MAPK12: variants seen among roughly 807,000 people sequenced by gnomAD.
MAPK12 encodes mitogen-activated protein kinase 12, also known as MAP kinase 12.
A neutral mutation model predicts 49.1 loss-of-function variants in MAPK12; 49 were observed. The ratio of observed to expected loss-of-function variants is 1.00; its 90% confidence interval spans 0.79 to 1.27. MAPK12 has a LOEUF of 1.27. Among genes scored for constraint, MAPK12 ranks in the 50% most tolerant of loss-of-function variants. The probability of loss-of-function intolerance (pLI) is 0.00; values close to 1 mark genes in which losing one functional copy is unlikely to be tolerated. For missense variants in MAPK12, 554 were observed against 502.4 expected, an observed-to-expected ratio of 1.10 and a Z score of -0.98; for synonymous variants, 251 against 209.7, an observed-to-expected ratio of 1.20 and a Z score of -1.70.
At chr22:50,253,531 C>CTTTT in intron 11 of MAPK12, 51 bp from the exon 12 acceptor site, 1 of 923,420 alleles carries the variant, frequency 1.1e-6, no homozygotes, top group Admixed American at 2.0e-5. Flanking sequence ...CAGCCTTTGC[C>CTTTT]TTCCATCCTG....
chr22:50,258,505 A>C (rs1277992495), intron 2 of MAPK12, among the ~76,000 whole-genome samples: 1 of 152,272 alleles, frequency 6.6e-6, no homozygotes, highest in African/African-American at 2.4e-5. Flanking sequence ...CAGCCCTGGC[A>C]CACATACCCA....
Position 50,255,365 on chromosome 22 carries a change from T to C in MAPK12, c.856A>G (p.Asn286Asp), listed in dbSNP as rs750939832. 2 of 1,612,936 alleles carry C rather than the reference T, an allele frequency of 1.2e-6. No homozygotes were observed. Among genetic ancestry groups the C allele is most frequent in the African/African-American group, 2.7e-5 (2 of 74,928 alleles). Residue 286 changes from asparagine (N) to aspartate (D), a missense_variant, in exon 11 of 12, where the codon AAC (asparagine) becomes GAC (aspartate). Transcript: ENST00000215659. ...AGCACCAGCATCTTCTCCAGGAGGTTCACAGCTGCGGGGGAAGGTGCATCA... is the reference window on the plus strand; with the variant it reads ...AGCACCAGCATCTTCTCCAGGAGGTCCACAGCTGCGGGGGAAGGTGCATCA... ...ILTNASPLAV[N>D]LLEKMLVLDA...
At position 50,256,941 on chromosome 22, in the gene MAPK12, G is replaced by C; in HGVS notation, c.450C>G (p.Ile150Met). 2 of 1,606,402 alleles carry C rather than the reference G, an allele frequency of 1.2e-6. No individual in the cohort carries two copies. The highest frequency in any genetic ancestry group is 1.7e-6 in the Non-Finnish European group (2 of 1,178,326). ...CTTCTCCACCGGGACTCACTCTGTGGATGATGCCGGCAGCGTGGATATACT... is the reference window on the plus strand; with the variant it reads ...CTTCTCCACCGGGACTCACTCTGTGCATGATGCCGGCAGCGTGGATATACT... ...GLRYIHAAGI[I>M]HRDLKPGNLA... Residue 150 changes from isoleucine to methionine, a missense_variant, in exon 5 of 12, where the codon ATC becomes ATG. Ile to Met is a conservative substitution (Grantham distance 10). Transcript: ENST00000215659.
At position 50,253,000 on chromosome 22, in the gene MAPK12, C is replaced by T. The variant is rs904259436; in HGVS notation, c.*401G>A. ...GGTGCAGGAAGGTCCACTGACGTCG[C>T]CCAGGAGAGGGGATGTCCCTGAGTT... On this transcript the variant is annotated 3_prime_UTR_variant, in exon 12 of 12. Transcript: ENST00000215659. 3.4e-6 allele frequency: 1 copy of T among 292,956 alleles called. No individual in the cohort carries two copies. The highest frequency in any genetic ancestry group is 6.7e-6 in the Non-Finnish European group (1 of 150,108). 18.1% of individuals were successfully genotyped at this position (292,956 alleles called of 1,614,324 possible).
intron 2 of MAPK12, among the ~76,000 whole-genome samples, chr22:50,260,344 G>A (rs574533571): frequency 1.8e-4 from 28 of 152,116 alleles, no homozygotes; most frequent in African/African-American, 6.3e-4. Context: ...CTGTAGGTAG[G>A]GTCCGGGTGC....
rs529722375 is a variant in MAPK12 at position 50,256,816 on chromosome 22, G to A, written c.456+119C>T. ...GGCACCCAGGCAGGTTCCCACCAGG[G>A]GCTGTGCATAGGGCGTGGCTCAGCA... is the stretch of plus-strand genomic sequence containing the variant. On this transcript the variant is annotated intron_variant, in intron 5 of 11. Coordinates refer to ENST00000215659, the MANE Select transcript of MAPK12 (RefSeq NM_002969.6). The A allele has an allele frequency of 3.0e-3, 4,639 of 1,521,436 alleles. 15 individuals are homozygous for A. The highest frequency in any genetic ancestry group is 3.6e-3 in the Non-Finnish European group (4,027 of 1,130,544). The allele number at this position is 1,521,436 out of a possible 1,614,324, so 94.2% of individuals were successfully genotyped here. A position where few individuals can be genotyped will look rare whatever the true frequency, so the allele number is the denominator to read the frequency against.
chr22:50,255,946 C>T, intron 7 of MAPK12, 65 bp from the exon 8 acceptor site: 2 of 1,546,574 alleles, frequency 1.3e-6, no homozygotes, highest in Non-Finnish European at 8.9e-7. Context: ...AGGGAGGAGA[C>T]ACCAACACAG....
rs745822129 is a variant in MAPK12 at position 50,255,397 on chromosome 22, A to C, written c.851-27T>G. On this transcript the variant is annotated intron_variant, in intron 10 of 11. Coordinates refer to ENST00000215659, the MANE Select transcript of MAPK12 (RefSeq NM_002969.6). ...TGCGGGGGAAGGTGCATCAGGCCAGACCACGGGAGGCCCCACACTCCAGCA... is the reference window on the plus strand; with the variant it reads ...TGCGGGGGAAGGTGCATCAGGCCAGCCCACGGGAGGCCCCACACTCCAGCA... 3.1e-6 allele frequency: 5 copies of C among 1,612,720 alleles called. No homozygotes were observed. In the South Asian group the frequency reaches 5.5e-5, roughly 18 times the overall value.
chr22:50,254,609 G>C, intron 11 of MAPK12: 1 of 975,270 alleles, frequency 1.0e-6, no homozygotes, highest in Non-Finnish European at 1.2e-6. Context: ...TCAAGATCGT[G>C]CCACTGCCCT....
chr22:50,253,499 C>CGGGGGG lies in MAPK12; in HGVS notation c.1025-20_1025-19insCCCCCC. 3 of 660,038 alleles carry CGGGGGG rather than the reference C, an allele frequency of 4.5e-6. No homozygotes were observed. Among genetic ancestry groups the CGGGGGG allele is most frequent in the South Asian group, 3.9e-5 (1 of 25,560 alleles). The allele number at this position is 660,038 out of a possible 1,614,324, so 40.9% of individuals were successfully genotyped here. A position where few individuals can be genotyped will look rare whatever the true frequency, so the allele number is the denominator to read the frequency against. On this transcript the variant is annotated intron_variant, in intron 11 of 11. Coordinates refer to ENST00000215659, the MANE Select transcript of MAPK12 (RefSeq NM_002969.6). ...GTAACACCTGGCGGGGGTGGGGGGGCGGGCACAACAGAGAGGGGGGTCAGC... is the reference window on the plus strand; with the variant it reads ...GTAACACCTGGCGGGGGTGGGGGGGCGGGGGGGGGCACAACAGAGAGGGGGGTCAGC...
At chr22:50,256,480 C>T in intron 6 of MAPK12, 119 bp downstream of exon 6, 3 of 1,344,284 alleles carry the variant, frequency 2.2e-6, no homozygotes, top group Non-Finnish European at 3.1e-6. Context: ...ACCAGCTCCT[C>T]AGCCACTGCC....
At chr22:50,256,856 C>A in intron 5 of MAPK12, 79 bp downstream of exon 5, 1 of 1,566,032 alleles carries the variant, frequency 6.4e-7, no homozygotes. Context: ...GACCCCATCA[C>A]ATCCTCACAG....
At position 50,261,305 on chromosome 22, in the gene MAPK12, C is replaced by T. The variant is rs2065211060; in HGVS notation, c.126-9G>A. On this transcript the variant is annotated splice_polypyrimidine_tract_variant and intron_variant, in intron 1 of 11. Transcript: ENST00000215659. Reference sequence around the variant, plus strand: ...GGCCGTCCACGGCCGAGCTGCGGGGCGGACCGCTTAGCGGGAAGGCCGGGC... The same window carrying T: ...GGCCGTCCACGGCCGAGCTGCGGGGTGGACCGCTTAGCGGGAAGGCCGGGC... 7.0e-7 allele frequency: 1 copy of T among 1,424,916 alleles called. No individual in the cohort carries two copies. The highest frequency in any genetic ancestry group is 9.3e-7 in the Non-Finnish European group (1 of 1,077,556). The allele number at this position is 1,424,916 out of a possible 1,614,324, so 88.3% of individuals were successfully genotyped here.
In MAPK12 at chr22:50,256,665, T is replaced by G; in HGVS notation, c.457-19A>C. 6.2e-7 allele frequency: 1 copy of G among 1,603,014 alleles called. No individual in the cohort carries two copies. ...TCAGGTCCTGGGGGCAGAGGAAAGG[T>G]GGCCACTGTGCCCCACCCTCCCAAG... is the stretch of plus-strand genomic sequence containing the variant. On this transcript the variant is annotated intron_variant, in intron 5 of 11. Transcript: ENST00000215659.
At position 50,261,411 on chromosome 22, in the gene MAPK12, C is replaced by G. The variant is rs1202721843; in HGVS notation, c.99G>C (p.Val33=). The G allele has an allele frequency of 4.1e-6, 5 of 1,230,624 alleles. No individual in the cohort carries two copies. In the South Asian group the frequency reaches 9.4e-5, roughly 23 times the overall value. The allele number at this position is 1,230,624 out of a possible 1,614,324, so 76.2% of individuals were successfully genotyped here. A position where few individuals can be genotyped will look rare whatever the true frequency, so the allele number is the denominator to read the frequency against. The change falls in exon 1 of 12, where the codon GTG becomes GTC. Residue 33 remains valine, a synonymous_variant. Transcript: ENST00000215659. The part of the protein sequence containing the change: ...VRAVYRDLQP[V]GSGAYGAVCS... Reference sequence around the variant, plus strand: ...ACACCGCGCCGTAGGCGCCCGAGCCCACGGGCTGCAGGTCCCGGTACACGG... The same window carrying G: ...ACACCGCGCCGTAGGCGCCCGAGCCGACGGGCTGCAGGTCCCGGTACACGG...
rs1010005068 is a variant in MAPK12 at position 50,258,100 on chromosome 22, T to A, written c.314+143A>T. 4 of 749,958 alleles carry A rather than the reference T, an allele frequency of 5.3e-6. No homozygotes were observed. The African/African-American group carries it at 7.6e-5, about 14-fold the overall frequency. The allele number at this position is 749,958 out of a possible 1,614,324, so 46.5% of individuals were successfully genotyped here. ...GTGGGGGAGGGCGTGGGGTGGACAG[T>A]GGTATGGGGAGGGGGTGGGCGGTGT... On this transcript the variant is annotated intron_variant, in intron 3 of 11. Transcript: ENST00000215659.
At position 50,255,439 on chromosome 22, in the gene MAPK12, C is replaced by G. The variant is rs1241668033; in HGVS notation, c.850+14G>C. The G allele has an allele frequency of 6.2e-7, 1 of 1,612,936 alleles. No individual in the cohort carries two copies. Among genetic ancestry groups the G allele is most frequent in the East Asian group, 2.2e-5 (1 of 44,882 alleles). On this transcript the variant is annotated intron_variant, in intron 10 of 11. Coordinates refer to ENST00000215659, the MANE Select transcript of MAPK12 (RefSeq NM_002969.6). ...ACTCCAGCACCCGGTGGCCCCCACA[C>G]TAGCCAGCCGTACCCAGAGGGCTTG...
At chr22:50,256,824 A>AT (rs2065155143) in intron 5 of MAPK12, 111 bp downstream of exon 5, 7 of 1,530,816 alleles carry the variant, frequency 4.6e-6, no homozygotes, top group Non-Finnish European at 5.3e-6. Context: ...GGGGCTGTGC[A>AT]TAGGGCGTGG....
In MAPK12 at chr22:50,255,750, C is replaced by T. The variant is rs991862197; in HGVS notation, c.692-56G>A. 7 of 1,610,288 alleles carry T rather than the reference C, an allele frequency of 4.3e-6. No individual in the cohort carries two copies. The African/African-American group carries it at 6.7e-5, about 15-fold the overall frequency. ...GCCAGAGATCAGGGCCCCCACTGCC[C>T]CCACCTGGGCAGGAGCCATCCCCAC... is the stretch of plus-strand genomic sequence containing the variant. On this transcript the variant is annotated intron_variant, in intron 8 of 11. Transcript: ENST00000215659.
Sources: gnomAD v4.1 joint callset for allele counts (sites outside exome capture counted in the v4.1 genomes callset) on GRCh38, gnomAD v4.1.1 for gene constraint, MANE v1.5 for transcripts, NCBI Gene and HGNC (gene_info 2026-07-23, HGNC 2026-07-21) for gene names.